The following ZNF680 variants were observed in gnomAD, a reference collection of about 807,000 sequenced individuals.
ZNF680 encodes the protein zinc finger protein 680.
A neutral mutation model predicts 12.1 loss-of-function variants in ZNF680; 6 were observed. The ratio of observed to expected loss-of-function variants is 0.49; its 90% CI spans 0.27 to 0.98. ZNF680 has a LOEUF of 0.98. Among genes scored for constraint, ZNF680 ranks in the 50% least tolerant of loss-of-function variants. The pLI, the probability that ZNF680 is intolerant of heterozygous loss-of-function variation, is 0.12. For synonymous variants in ZNF680, 170 were observed against 199.3 expected, an observed-to-expected ratio of 0.85 and a Z score of 1.24; for missense variants, 561 against 616.3, an observed-to-expected ratio of 0.91 and a Z score of 0.95.
downstream of ZNF680, among the ~76,000 whole-genome samples, chr7:64,517,979 A>T (rs762645197): frequency 6.6e-6 from 1 of 152,094 alleles, no homozygotes; most frequent in East Asian, 1.9e-4. Context: ...CCTACATAAC[A>T]CTGAACAGGG....
At chr7:64,556,989 G>A (rs749576830) in intron 1 of ZNF680, among the ~76,000 whole-genome samples, 9 of 152,144 alleles carry the variant, frequency 5.9e-5, no homozygotes, top group Non-Finnish European at 7.4e-5. Flanking sequence ...AGTGGCTCAC[G>A]CCTGTAATCC....
chr7:64,500,754 G>A, the ZNF680 span: 6 of 296,792 alleles, frequency 2.0e-5, no homozygotes, highest in Non-Finnish European at 3.5e-5. Context: ...CTGGGAGTAG[G>A]AGACTCAGAA....
chr7:64,502,128 G>A, the ZNF680 span, among the ~76,000 whole-genome samples: 1 of 149,156 alleles, frequency 6.7e-6, no homozygotes, highest in Non-Finnish European at 1.5e-5. Context: ...CTCAGCCTCC[G>A]GAGTAGCTAG....
downstream of ZNF680, among the ~76,000 whole-genome samples, chr7:64,518,785 G>C (rs1275993088): frequency 1.3e-5 from 2 of 151,818 alleles, no homozygotes; most frequent in African/African-American, 4.8e-5. Flanking sequence ...TGTTTAGCAA[G>C]CCACATGTAG....
intron 3 of ZNF680, among the ~76,000 whole-genome samples, chr7:64,533,513 T>C (rs896220872): frequency 5.3e-5 from 8 of 152,030 alleles, no homozygotes; most frequent in African/African-American, 1.4e-4. Context: ...AAAAAAATCA[T>C]AGACAACACA....
chr7:64,525,748 GAA>G (rs1791805153), intron 3 of ZNF680: 3 of 927,040 alleles, frequency 3.2e-6, no homozygotes, highest in Admixed American at 1.2e-4. Context: ...TCTTTAAATA[GAA>G]AAGTTTTTCT....
intron 3 of ZNF680, among the ~76,000 whole-genome samples, chr7:64,531,411 T>C (rs893710705): frequency 2.2e-4 from 33 of 151,916 alleles, no homozygotes; most frequent in African/African-American, 7.7e-4. Context: ...CTGGCTAACA[T>C]GGGGAAACCC....
At chr7:64,535,509 A>G (rs925847321) in intron 3 of ZNF680, among the ~76,000 whole-genome samples, 2 of 152,152 alleles carry the variant, frequency 1.3e-5, no homozygotes, top group African/African-American at 4.8e-5. Flanking sequence ...AAAAGCATAC[A>G]ATATGTTCTC....
Position 64,553,118 on chromosome 7 carries a change from C to T in ZNF680, c.31-8686G>A, listed in dbSNP as rs536220333. Among the ~76,000 whole-genome samples, 305 of 135,830 alleles carry T rather than the reference C, an allele frequency of 2.2e-3. 3 individuals carry two copies. Among genetic ancestry groups the T allele is most frequent in the African/African-American group, 8.1e-3 (290 of 35,950 alleles). 89.1% of individuals were successfully genotyped at this position (135,830 alleles called of 152,430 possible). Reference sequence around the variant, plus strand: ...CCAGCCTGGGGGACAAAGTAACACTCTATCTCAAAAAAAAAAAAAAAAAAG... The same window carrying T: ...CCAGCCTGGGGGACAAAGTAACACTTTATCTCAAAAAAAAAAAAAAAAAAG... On this transcript the variant is annotated intron_variant, in intron 1 of 3. Coordinates refer to ENST00000309683, the MANE Select transcript of ZNF680 (RefSeq NM_178558.5).
chr7:64,525,911 A>T, intron 3 of ZNF680: 1 of 984,914 alleles, frequency 1.0e-6, no homozygotes, highest in Non-Finnish European at 1.2e-6. Context: ...GAAAATATTT[A>T]TACAGGTAAA....
intron 3 of ZNF680, among the ~76,000 whole-genome samples, chr7:64,523,016 T>A (rs574658041): frequency 3.9e-5 from 6 of 152,008 alleles, no homozygotes; most frequent in African/African-American, 1.4e-4. Flanking sequence ...TAAAAGATGC[T>A]GAAAGCAGTT....
downstream of ZNF680, among the ~76,000 whole-genome samples, chr7:64,517,698 A>G (rs548243051): frequency 5.9e-5 from 9 of 152,254 alleles, no homozygotes; most frequent in East Asian, 1.7e-3. Context: ...CCTTTAAAAA[A>G]AAAAATCTAA....
intron 2 of ZNF680, 70 bp downstream of exon 2, chr7:64,544,236 A>C: frequency 6.5e-7 from 1 of 1,537,990 alleles, no homozygotes; most frequent in Non-Finnish European, 8.8e-7. Context: ...AAATTACCAC[A>C]AGTTATGCAA....
rs1389007737 is a variant in ZNF680, at chr7:64,521,807, T to G, written c.947A>C (p.His316Pro). The G allele has an allele frequency of 1.2e-6, 2 of 1,613,342 alleles. No homozygotes were observed. The highest frequency in any genetic ancestry group is 2.7e-5 in the African/African-American group (2 of 74,908). The change falls in exon 4 of 4, where the codon CAT becomes CCT. Residue 316 changes from histidine (H) to proline (P), a missense_variant. Transcript: ENST00000309683. ...ACATTTGAAGGGTTTCTCTCCAGTA[T>G]GAATTCTCTTATGGTTAGTAAGGGT... is the stretch of plus-strand genomic sequence containing the variant. ...FATLTNHKRI[H>P]TGEKPFKCEE...
chr7:64,537,432 A>T (rs1020762651), intron 3 of ZNF680, among the ~76,000 whole-genome samples: 4 of 152,212 alleles, frequency 2.6e-5, no homozygotes, highest in African/African-American at 9.6e-5. Flanking sequence ...AGTGGTAAAA[A>T]AATTCAATAT....
intron 1 of ZNF680, among the ~76,000 whole-genome samples, chr7:64,553,476 C>G (rs1227385559): frequency 1.3e-5 from 2 of 152,196 alleles, no homozygotes; most frequent in Admixed American, 6.5e-5. Context: ...TCTTGGACAT[C>G]TGAATTTCAG....
the ZNF680 span, chr7:64,501,705 C>T: frequency 1.3e-5 from 14 of 1,055,136 alleles, no homozygotes; most frequent in Admixed American, 5.2e-5. Context: ...ACAGAGACAG[C>T]GCCAATGGCA....
the ZNF680 span, among the ~76,000 whole-genome samples, chr7:64,508,142 T>TATAC: frequency 1.8e-5 from 2 of 112,190 alleles, no homozygotes; most frequent in East Asian, 2.9e-4. Context: ...TATATATATA[T>TATAC]ACATAATTTT....
At chr7:64,499,766 A>T in the ZNF680 span, among the ~76,000 whole-genome samples, 1 of 152,156 alleles carries the variant, frequency 6.6e-6, no homozygotes, top group Non-Finnish European at 1.5e-5. Flanking sequence ...CAAACAAAAA[A>T]CAGCCAGCTC....
Sources: gnomAD v4.1 joint callset for allele counts (sites outside exome capture counted in the v4.1 genomes callset) on GRCh38, gnomAD v4.1.1 for gene constraint, MANE v1.5 for transcripts, NCBI Gene and HGNC (gene_info 2026-07-23, HGNC 2026-07-21) for gene names.